TTC34: variants seen among roughly 807,000 people sequenced by gnomAD.
The protein encoded by TTC34 is tetratricopeptide repeat protein 34.
A neutral mutation model predicts 40.7 loss-of-function variants in TTC34; 44 were observed. The ratio of observed to expected loss-of-function variants is 1.08; its 90% CI spans 0.85 to 1.39. The LOEUF (loss-of-function observed/expected upper bound fraction) is 1.39, where lower values mean the gene tolerates loss of function less well. TTC34 is among the 40% of genes most tolerant of loss of function. The pLI is 0.00. For synonymous variants in TTC34, 422 were observed against 398.6 expected (o/e 1.06, Z -0.70); for missense variants, 884 against 838.0 (o/e 1.05, Z -0.68).
intron 6 of TTC34, among the ~76,000 whole-genome samples, chr1:2,747,699 T>TGTTAGAGCACCCACACCTCTGACAGCC (rs1641198107): frequency 9.2e-6 from 1 of 108,250 alleles, no homozygotes. Context: ...ATCTGACAGC[T>TGTTAGAGCACCCACACCTCTGACAGCC]TGGAACAGCA....
intron 2 of TTC34, among the ~76,000 whole-genome samples, chr1:2,791,622 T>C (rs1643664298): frequency 6.6e-6 from 1 of 152,152 alleles, no homozygotes; most frequent in Admixed American, 6.5e-5. Flanking sequence ...GGTCACTCTG[T>C]CTAGTTCTGG....
intron 6 of TTC34, among the ~76,000 whole-genome samples, chr1:2,748,892 C>T (rs1310723403): frequency 0.012 from 46 of 3,750 alleles, no homozygotes; most frequent in East Asian, 0.026. Flanking sequence ...TTCAGGTGAG[C>T]ATCTGACAGC....
chr1:2,768,370 T>C (rs1641858997), intron 6 of TTC34, among the ~76,000 whole-genome samples: 1 of 151,650 alleles, frequency 6.6e-6, no homozygotes, highest in Admixed American at 6.6e-5. Flanking sequence ...TGGAAAACCA[T>C]GCCCACCACA....
intron 6 of TTC34, among the ~76,000 whole-genome samples, chr1:2,691,680 G>A (rs1159175968): frequency 1.1e-5 from 1 of 91,900 alleles, no homozygotes; most frequent in African/African-American, 3.6e-5. Context: ...GTGAGCATCT[G>A]ACGGCCTGCA....
In TTC34 at chr1:2,651,995, C is replaced by T. The variant is rs1270508757; in HGVS notation, c.2227-6432G>A. ...GTGAGCATCTGATGGTCTGGAGCAG[C>T]ATCCATACCCCAGGTGAGCACCTGA... On this transcript the variant is annotated intron_variant, in intron 6 of 8. Transcript: ENST00000401095. 2.7e-5 allele frequency among the ~76,000 whole-genome samples: 4 copies of T among 146,162 alleles called. 1 individual carries two copies. The Admixed American group carries it at 2.8e-4, about 10-fold the overall frequency.
intron 6 of TTC34, among the ~76,000 whole-genome samples, chr1:2,755,934 G>C (rs1159613005): frequency 2.5e-5 from 2 of 78,460 alleles, no homozygotes; most frequent in African/African-American, 2.0e-4. Context: ...GCCTGGAGCA[G>C]CACCCTGCAC....
intron 6 of TTC34, among the ~76,000 whole-genome samples, chr1:2,750,997 G>T (rs1418758814): frequency 9.9e-6 from 1 of 101,018 alleles, no homozygotes; most frequent in African/African-American, 4.8e-5. Flanking sequence ...GTCTGGAGCA[G>T]CACCCACACC....
At chr1:2,768,735 C>T (rs1641887518) in intron 6 of TTC34, among the ~76,000 whole-genome samples, 1 of 143,618 alleles carries the variant, frequency 7.0e-6, no homozygotes, top group African/African-American at 2.6e-5. Context: ...GGAAAAACAA[C>T]CCCCTTCAGG....
intron 6 of TTC34, among the ~76,000 whole-genome samples, chr1:2,777,307 C>G (rs1473186836): frequency 2.2e-5 from 3 of 136,476 alleles, no homozygotes; most frequent in African/African-American, 8.4e-5. Context: ...AGGGGAGCAT[C>G]TGACATCCTG....
chr1:2,778,371 C>A (rs921456205), intron 6 of TTC34, among the ~76,000 whole-genome samples: 1 of 152,202 alleles, frequency 6.6e-6, no homozygotes, highest in African/African-American at 2.4e-5. Context: ...TGCAGGGCCC[C>A]GGGGCTGTGG....
At chr1:2,656,395 A>G (rs1218701554) in intron 6 of TTC34, among the ~76,000 whole-genome samples, 2 of 3,138 alleles carry the variant, frequency 6.4e-4, no homozygotes, top group Non-Finnish European at 1.4e-3. Flanking sequence ...AGCATCTGAC[A>G]GCATGTAACA....
At chr1:2,788,175 T>A (rs1243168817) in intron 3 of TTC34, among the ~76,000 whole-genome samples, 1 of 152,186 alleles carries the variant, frequency 6.6e-6, no homozygotes, top group Non-Finnish European at 1.5e-5. Flanking sequence ...CAAATATAAA[T>A]GCCATCACAT....
chr1:2,656,249 C>T (rs1439092789), intron 6 of TTC34, among the ~76,000 whole-genome samples: 1 of 151,774 alleles, frequency 6.6e-6, no homozygotes, highest in East Asian at 1.9e-4. Flanking sequence ...TGGAACAGCA[C>T]ACACACACCC....
intron 6 of TTC34, among the ~76,000 whole-genome samples, chr1:2,771,269 A>C (rs369729616): frequency 6.6e-5 from 2 of 30,150 alleles, no homozygotes; most frequent in East Asian, 2.9e-3. Flanking sequence ...ACAGCCTGGA[A>C]CAGCATCCAC....
intron 6 of TTC34, among the ~76,000 whole-genome samples, chr1:2,681,579 T>C (rs78552404): frequency 0.65 from 23,117 of 35,536 alleles, 10,073 homozygotes; most frequent in East Asian, 0.98. Flanking sequence ...TGGAGCAGCA[T>C]CCACACCCAC....
chr1:2,696,845 C>CCA (rs1640891016), intron 6 of TTC34, among the ~76,000 whole-genome samples: 1 of 36,148 alleles, frequency 2.8e-5, no homozygotes, highest in Non-Finnish European at 6.3e-5. Flanking sequence ...CCACACCTTC[C>CCA]GGCGAGCATC....
chr1:2,652,533 G>A (rs1256667374), intron 6 of TTC34, among the ~76,000 whole-genome samples: 1 of 20,512 alleles, frequency 4.9e-5, no homozygotes, highest in East Asian at 1.5e-3. Flanking sequence ...ACCTCCAGGC[G>A]AGCATTGGAA....
chr1:2,692,173 C>G (rs999137346), intron 6 of TTC34, among the ~76,000 whole-genome samples: 1 of 68,822 alleles, frequency 1.5e-5, no homozygotes, highest in South Asian at 4.8e-4. Flanking sequence ...CGGCCTGGAA[C>G]AGCACACACA....
At chr1:2,798,028 G>C (rs866524496) in intron 2 of TTC34, among the ~76,000 whole-genome samples, 17 of 151,832 alleles carry the variant, frequency 1.1e-4, no homozygotes, top group Middle Eastern at 3.4e-3. Flanking sequence ...CAGCATCCAA[G>C]CCTCCCAGTC....
Sources: allele counts gnomAD v4.1 joint callset (sites outside exome capture counted in the v4.1 genomes callset), GRCh38; gene constraint gnomAD v4.1.1; transcripts MANE v1.5; gene names NCBI Gene and HGNC (gene_info 2026-07-23, HGNC 2026-07-21).